The following NRK variants were observed in gnomAD, a reference collection of about 807,000 sequenced individuals.
The protein encoded by NRK is nik-related protein kinase.
NRK carries 67 observed loss-of-function variants against 125.2 expected under a neutral mutation model. The observed-to-expected ratio is 0.54, with a 90% CI of 0.44 to 0.66. The LOEUF (loss-of-function observed/expected upper bound fraction) is 0.66, where lower values mean the gene tolerates loss of function less well. NRK is among the 30% of genes least tolerant of loss of function. NRK has a pLI of 0.00. For synonymous variants in NRK, 458 were observed against 429.0 expected (o/e 1.07, Z -0.84); for missense variants, 1,224 against 1,192.9 (o/e 1.03, Z -0.38).
chrX:105,900,207 G>A (rs1447685976), intron 8 of NRK, among the ~76,000 whole-genome samples: 1 of 108,249 alleles, frequency 9.2e-6, no homozygotes, highest in Non-Finnish European at 1.9e-5. Context: ...TCAGTCCTAT[G>A]TAAGTGTATG....
intron 19 of NRK, among the ~76,000 whole-genome samples, chrX:105,927,203 T>G (rs2040535699): frequency 9.0e-6 from 1 of 111,095 alleles, no homozygotes; most frequent in Non-Finnish European, 1.9e-5. Flanking sequence ...TTCACCTCAT[T>G]GGTTAAATTT....
intron 2 of NRK, among the ~76,000 whole-genome samples, chrX:105,870,843 G>T (rs7056631): frequency 0.12 from 12,805 of 111,330 alleles, 1,808 homozygotes; most frequent in African/African-American, 0.4. Flanking sequence ...GACCATGACT[G>T]TCCCAGATTT....
At chrX:105,908,515 A>C (rs1355761841) in intron 12 of NRK, among the ~76,000 whole-genome samples, 1 of 112,487 alleles carries the variant, frequency 8.9e-6, no homozygotes, top group Non-Finnish European at 1.9e-5. Context: ...GATCAAGTAG[A>C]TATCATATTT....
chrX:105,914,814 C>A, intron 14 of NRK, among the ~76,000 whole-genome samples: 1 of 105,903 alleles, frequency 9.4e-6, no homozygotes, highest in Non-Finnish European at 1.9e-5. Flanking sequence ...TATCAGCATG[C>A]ATATGCTAGA....
chrX:105,936,569 A>G lies in NRK; in HGVS notation c.3656-870A>G, dbSNP rs1222833614. ...GCAAAATCACTTAAGTTTTCTCCTT[A>G]TGCTCATGGAGCACAGGTATGCTCC... On this transcript the variant is annotated intron_variant, in intron 21 of 28. Coordinates refer to ENST00000243300, the MANE Select transcript of NRK (RefSeq NM_198465.4). 1.3e-4 allele frequency among the ~76,000 whole-genome samples: 15 copies of G among 111,887 alleles called. No homozygotes were observed. The Admixed American group carries it at 1.4e-3, about 11-fold the overall frequency.
At chrX:105,840,501 A>G (rs1274504429) in intron 2 of NRK, among the ~76,000 whole-genome samples, 1 of 111,542 alleles carries the variant, frequency 9.0e-6, no homozygotes, top group Non-Finnish European at 1.9e-5. Flanking sequence ...AAAAGCCAAA[A>G]CTAATAAATT....
chrX:105,936,264 A>C (rs2147784619), intron 21 of NRK, among the ~76,000 whole-genome samples: 1 of 112,130 alleles, frequency 8.9e-6, no homozygotes, highest in African/African-American at 3.2e-5. Flanking sequence ...TGGATTAAAG[A>C]ATTTTTAAAA....
At chrX:105,917,389 C>G (rs2040380302) in intron 15 of NRK, among the ~76,000 whole-genome samples, 189 bp from the exon 16 acceptor site, 1 of 111,102 alleles carries the variant, frequency 9.0e-6, no homozygotes, top group Non-Finnish European at 1.9e-5. Context: ...AATCGTTACT[C>G]TATTCTAGAC....
chrX:105,886,378 AAC>A (rs368953372), intron 4 of NRK, among the ~76,000 whole-genome samples: 49 of 106,204 alleles, frequency 4.6e-4, no homozygotes, highest in African/African-American at 1.4e-3. Flanking sequence ...TGATATGATC[AAC>A]ACACACACAT....
At chrX:105,941,716 C>A (rs771565753) in intron 23 of NRK, among the ~76,000 whole-genome samples, 1 of 110,901 alleles carries the variant, frequency 9.0e-6, no homozygotes, top group African/African-American at 3.3e-5. Context: ...CAAGCATATA[C>A]CTATTTATAC....
At chrX:105,849,754 T>A (rs983328995) in intron 2 of NRK, among the ~76,000 whole-genome samples, 7 of 112,180 alleles carry the variant, frequency 6.2e-5, no homozygotes, top group Non-Finnish European at 1.1e-4. Flanking sequence ...ACTACAGGTC[T>A]CACATTCAGG....
chrX:105,935,946 C>T (rs1022073015), intron 21 of NRK, among the ~76,000 whole-genome samples: 1 of 109,369 alleles, frequency 9.1e-6, no homozygotes, highest in Non-Finnish European at 1.9e-5. Context: ...TCTGCAGGAT[C>T]TTGTTTTTAA....
chrX:105,838,491 C>T (rs1301702790), intron 2 of NRK, among the ~76,000 whole-genome samples: 1 of 110,880 alleles, frequency 9.0e-6, no homozygotes, highest in Non-Finnish European at 1.9e-5. Context: ...CTTGACTACA[C>T]CCCTAATATC....
intron 2 of NRK, among the ~76,000 whole-genome samples, chrX:105,847,163 T>G (rs2039414250): frequency 8.9e-6 from 1 of 111,946 alleles, no homozygotes; most frequent in Non-Finnish European, 1.9e-5. Context: ...AGTGAGGAAC[T>G]GGAAGGTAGT....
chrX:105,830,314 C>CAAAA (rs71932033), intron 1 of NRK, among the ~76,000 whole-genome samples: 48 of 11,059 alleles, frequency 4.3e-3, no homozygotes, highest in Non-Finnish European at 6.0e-3. Flanking sequence ...AACTCCGTCG[C>CAAAA]AAAAAAAAAA....
chrX:105,841,826 A>G (rs946418868), intron 2 of NRK, among the ~76,000 whole-genome samples: 4 of 111,435 alleles, frequency 3.6e-5, no homozygotes, highest in Admixed American at 2.9e-4. Context: ...AGTGACCTCA[A>G]TGTTCTAAAA....
At chrX:105,918,226 T>C (rs759400334) in intron 16 of NRK, among the ~76,000 whole-genome samples, 8 of 111,520 alleles carry the variant, frequency 7.2e-5, no homozygotes, top group Non-Finnish European at 1.5e-4. Context: ...CAAAAAAGTA[T>C]TTTAAGATGT....
intron 13 of NRK, among the ~76,000 whole-genome samples, chrX:105,911,801 T>C (rs2040305610): frequency 8.9e-6 from 1 of 111,985 alleles, no homozygotes; most frequent in African/African-American, 3.2e-5. Flanking sequence ...ATAAGACTTT[T>C]ATTGATCTCT....
At chrX:105,895,143 T>G in intron 6 of NRK, 1 of 475,741 alleles carries the variant, frequency 2.1e-6, no homozygotes, top group East Asian at 3.6e-5. Context: ...ATACGGAGGC[T>G]AAAAAGGAAG....
Sources: allele counts gnomAD v4.1 joint callset (sites outside exome capture counted in the v4.1 genomes callset), GRCh38; gene constraint gnomAD v4.1.1; transcripts MANE v1.5; gene names NCBI Gene and HGNC (gene_info 2026-07-23, HGNC 2026-07-21).